ABAT: variants seen among roughly 807,000 people sequenced by gnomAD.
ABAT encodes the protein 4-aminobutyrate aminotransferase.
A neutral mutation model predicts 64.6 loss-of-function variants in ABAT; 45 were observed. That is an observed-to-expected ratio of 0.70 (90% CI 0.55 to 0.89). The LOEUF (loss-of-function observed/expected upper bound fraction) is 0.89, where lower values mean the gene tolerates loss of function less well. Among genes scored for constraint, ABAT ranks in the 40% least tolerant of loss-of-function variants. The pLI is 0.00. For synonymous variants in ABAT, 297 were observed against 250.5 expected (o/e 1.19, Z -1.75); for missense variants, 633 against 658.4 (o/e 0.96, Z 0.42).
At chr16:8,758,958 C>T (rs2059721109) in intron 6 of ABAT, among the ~76,000 whole-genome samples, 1 of 151,986 alleles carries the variant, frequency 6.6e-6, no homozygotes, top group South Asian at 2.1e-4. Context: ...AACAGTTAGC[C>T]AGGTGTGGTG....
chr16:8,685,902 G>T lies in ABAT; in HGVS notation c.-42+11191G>T, dbSNP rs117706552. ...TAAAGCAAGGCAGTGATGTGATTTT[G>T]TTATCACTTGAGAAAGATCCTCCTG... On this transcript the variant is annotated intron_variant, in intron 1 of 15. Coordinates refer to ENST00000268251, the MANE Select transcript of ABAT (RefSeq NM_020686.6). Among the ~76,000 whole-genome samples, 975 of 152,242 alleles carry T rather than the reference G, an allele frequency of 6.4e-3. 2 individuals are homozygous for T. Among genetic ancestry groups the T allele is most frequent in the Non-Finnish European group, 9.7e-3 (661 of 68,008 alleles).
chr16:8,749,169 C>T (rs1341295530), intron 4 of ABAT, among the ~76,000 whole-genome samples: 3 of 151,108 alleles, frequency 2.0e-5, no homozygotes, highest in Non-Finnish European at 4.4e-5. Flanking sequence ...CTCACAGCAA[C>T]CTCTGCCTTC....
chr16:8,762,785 G>T (rs981942247), intron 6 of ABAT, among the ~76,000 whole-genome samples: 8 of 152,034 alleles, frequency 5.3e-5, no homozygotes, highest in Non-Finnish European at 1.2e-4. Flanking sequence ...CCACTAACAG[G>T]TCAGAGCCAG....
intron 1 of ABAT, among the ~76,000 whole-genome samples, chr16:8,682,095 C>T (rs538994009): frequency 1.3e-5 from 2 of 151,964 alleles, no homozygotes; most frequent in South Asian, 4.2e-4. Context: ...CCCTGGGGAA[C>T]AAGATTGCCC....
chr16:8,691,903 T>C (rs1804140136), intron 1 of ABAT, among the ~76,000 whole-genome samples: 1 of 152,212 alleles, frequency 6.6e-6, no homozygotes, highest in African/African-American at 2.4e-5. Flanking sequence ...AAGTCAATAG[T>C]GCTGAGGTTG....
Position 8,747,966 on chromosome 16 carries a change from T to C in ABAT, c.169-142T>C, listed in dbSNP as rs1218775644. ...GCCAACTATTTATATCAAGTAATTT[T>C]AAAGTAATATGGTTGACTAATAAAA... On this transcript the variant is annotated intron_variant, in intron 3 of 15. Transcript: ENST00000268251. The C allele has an allele frequency of 8.3e-6, 6 of 726,580 alleles. No homozygotes were observed. In the African/African-American group the frequency reaches 1.1e-4, roughly 13 times the overall value. The allele number at this position is 726,580 out of a possible 1,614,324, so 45.0% of individuals were successfully genotyped here.
chr16:8,742,519 A>C (rs1050613457), intron 2 of ABAT, among the ~76,000 whole-genome samples: 1 of 152,140 alleles, frequency 6.6e-6, no homozygotes, highest in Non-Finnish European at 1.5e-5. Flanking sequence ...GTTGGAATCA[A>C]TGCTGTCCAG....
intron 1 of ABAT, among the ~76,000 whole-genome samples, chr16:8,723,426 T>C (rs1172685799): frequency 6.6e-6 from 1 of 152,164 alleles, no homozygotes; most frequent in African/African-American, 2.4e-5. Flanking sequence ...AAAGAGAGCC[T>C]TCCCTTGTGG....
chr16:8,724,746 CAAAAAAAAAAAA>C, intron 1 of ABAT, among the ~76,000 whole-genome samples: 1 of 6,594 alleles, frequency 1.5e-4, no homozygotes, highest in East Asian at 3.9e-3. Flanking sequence ...AAAAAAAAAA[CAAAAAAAAAAAA>C]AAAAAAAAAA....
At chr16:8,741,379 A>G (rs1194579756) in intron 2 of ABAT, among the ~76,000 whole-genome samples, 1 of 152,260 alleles carries the variant, frequency 6.6e-6, no homozygotes, top group African/African-American at 2.4e-5. Context: ...GCTTCTAGGA[A>G]ACAGGTCAGA....
intron 1 of ABAT, among the ~76,000 whole-genome samples, chr16:8,718,980 ACGC>A (rs2058289085): frequency 6.6e-6 from 1 of 152,212 alleles, no homozygotes; most frequent in Admixed American, 6.5e-5. Context: ...CACTTGTTAT[ACGC>A]TGTGATTTTT....
At chr16:8,729,845 A>G (rs2058667806) in intron 1 of ABAT, among the ~76,000 whole-genome samples, 1 of 151,250 alleles carries the variant, frequency 6.6e-6, no homozygotes, top group African/African-American at 2.4e-5. Context: ...AAAAAAAAAA[A>G]AGACCCTGTT....
At chr16:8,720,239 G>A (rs1463497739) in intron 1 of ABAT, among the ~76,000 whole-genome samples, 4 of 152,220 alleles carry the variant, frequency 2.6e-5, no homozygotes, top group Non-Finnish European at 5.9e-5. Context: ...CCCACAAATA[G>A]ATTTCATTCT....
intron 1 of ABAT, among the ~76,000 whole-genome samples, chr16:8,721,858 A>G (rs1261891697): frequency 1.3e-5 from 2 of 152,200 alleles, no homozygotes; most frequent in African/African-American, 4.8e-5. Flanking sequence ...ATTTTAATCA[A>G]AAGAAAAAGG....
At chr16:8,778,401 T>G (rs1240931342) in intron 14 of ABAT, among the ~76,000 whole-genome samples, 3 of 152,250 alleles carry the variant, frequency 2.0e-5, no homozygotes, top group South Asian at 4.2e-4. Flanking sequence ...GTGTGGAGGC[T>G]TCACTCTGCT....
chr16:8,745,856 A>G, intron 2 of ABAT, 145 bp from the exon 3 acceptor site: 1 of 774,320 alleles, frequency 1.3e-6, no homozygotes, highest in Non-Finnish European at 2.2e-6. Context: ...TGGTCTGTCC[A>G]GACACAGTGT....
intron 1 of ABAT, among the ~76,000 whole-genome samples, chr16:8,696,451 T>C (rs1351537464): frequency 1.3e-5 from 2 of 152,092 alleles, no homozygotes; most frequent in African/African-American, 4.8e-5. Flanking sequence ...GATGAAGCCC[T>C]GTCTCTACTA....
At chr16:8,772,952 TG>T in intron 12 of ABAT, 35 bp downstream of exon 12, 1 of 1,611,870 alleles carries the variant, frequency 6.2e-7, no homozygotes, top group South Asian at 1.1e-5. Flanking sequence ...ATGGAGCCAT[TG>T]GGTTTTCTGG....
At chr16:8,682,987 C>A (rs1037715080) in intron 1 of ABAT, among the ~76,000 whole-genome samples, 13 of 152,330 alleles carry the variant, frequency 8.5e-5, no homozygotes, top group Admixed American at 8.5e-4. Flanking sequence ...CTAGGGATAG[C>A]TTTGCTGATA....
Sources: gnomAD v4.1 joint callset for allele counts (sites outside exome capture counted in the v4.1 genomes callset) on GRCh38, gnomAD v4.1.1 for gene constraint, MANE v1.5 for transcripts, NCBI Gene and HGNC (gene_info 2026-07-23, HGNC 2026-07-21) for gene names.